Variants in CHD9 observed in about 807,000 individuals in gnomAD.
CHD9 encodes ATP-dependent chromatin remodeler CHD9.
CHD9 carries 77 observed loss-of-function variants against 316.1 expected under a neutral mutation model. The observed-to-expected ratio is 0.24, with a 90% confidence interval of 0.20 to 0.29. The LOEUF (loss-of-function observed/expected upper bound fraction) is 0.29. Among genes scored for constraint, CHD9 ranks in the 10% least tolerant of loss-of-function variants. CHD9 has a pLI of 1.00. For missense variants in CHD9, 2,763 were observed against 3,438.1 expected, an observed-to-expected ratio of 0.80 and a Z score of 4.91; for synonymous variants, 1,129 against 1,158.3, an observed-to-expected ratio of 0.97 and a Z score of 0.51.
chr16:53,131,467 G>T (rs2039303162), intron 1 of CHD9, among the ~76,000 whole-genome samples: 1 of 147,070 alleles, frequency 6.8e-6, no homozygotes, highest in Non-Finnish European at 1.5e-5. Flanking sequence ...CTGCCTGCAC[G>T]TGCGGCCCAG....
At chr16:53,212,860 A>C (rs534116034) in intron 3 of CHD9, among the ~76,000 whole-genome samples, 4 of 152,286 alleles carry the variant, frequency 2.6e-5, no homozygotes, top group African/African-American at 9.6e-5. Context: ...CTTGCCTCAT[A>C]GTGTTATTTT....
At chr16:53,150,348 G>C (rs1163083796) in intron 1 of CHD9, among the ~76,000 whole-genome samples, 1 of 151,828 alleles carries the variant, frequency 6.6e-6, no homozygotes, top group Non-Finnish European at 1.5e-5. Flanking sequence ...TAAATGCCAA[G>C]TTAGTTTCAG....
intron 2 of CHD9, among the ~76,000 whole-genome samples, chr16:53,205,386 A>G (rs1317549485): frequency 6.6e-6 from 1 of 152,220 alleles, no homozygotes; most frequent in African/African-American, 2.4e-5. Flanking sequence ...GTAGAAAGTT[A>G]ATAAAGCAGG....
chr16:53,161,241 C>T (rs1483467118), intron 2 of CHD9, among the ~76,000 whole-genome samples: 1 of 152,100 alleles, frequency 6.6e-6, no homozygotes, highest in Admixed American at 6.6e-5. Flanking sequence ...TGTTGCATAT[C>T]AGTTTTATAT....
chr16:53,161,864 G>T (rs1019344785), intron 2 of CHD9, among the ~76,000 whole-genome samples: 1 of 151,944 alleles, frequency 6.6e-6, no homozygotes, highest in African/African-American at 2.4e-5. Flanking sequence ...CGATCCTCCC[G>T]CCTCAGCTTC....
intron 24 of CHD9, among the ~76,000 whole-genome samples, chr16:53,284,782 C>T (rs538708264): frequency 5.9e-5 from 9 of 151,944 alleles, no homozygotes; most frequent in Admixed American, 2.0e-4. Context: ...TTTTGTTTTT[C>T]GAGACAGGGT....
chr16:53,176,407 T>C (rs1309342419), intron 2 of CHD9, among the ~76,000 whole-genome samples: 1 of 152,262 alleles, frequency 6.6e-6, no homozygotes, highest in East Asian at 1.9e-4. Context: ...ATTTCCCAGC[T>C]CAGCTGATGA....
chr16:53,077,582 C>T (rs2034650965), intron 1 of CHD9, among the ~76,000 whole-genome samples: 1 of 152,104 alleles, frequency 6.6e-6, no homozygotes, highest in Non-Finnish European at 1.5e-5. Context: ...CTGCCTCAGA[C>T]TCCCAAAATG....
chr16:53,146,413 G>GTATATA (rs1361043895), intron 1 of CHD9, among the ~76,000 whole-genome samples: 14 of 24,476 alleles, frequency 5.7e-4, no homozygotes, highest in South Asian at 1.9e-3. Flanking sequence ...TTGTGTGTGT[G>GTATATA]TGTATGTATA....
intron 3 of CHD9, among the ~76,000 whole-genome samples, chr16:53,213,110 CTACTTGT>C (rs756728863): frequency 9.9e-5 from 15 of 152,142 alleles, no homozygotes; most frequent in Non-Finnish European, 1.8e-4. Flanking sequence ...AACACAGTTG[CTACTTGT>C]TAAGGGGAAT....
chr16:53,129,807 T>C (rs2152675647), intron 1 of CHD9, among the ~76,000 whole-genome samples: 2 of 152,338 alleles, frequency 1.3e-5, no homozygotes, highest in South Asian at 4.1e-4. Flanking sequence ...GAAAGCCAGC[T>C]AAGGACCTGA....
chr16:53,136,480 A>G (rs1470044314), intron 1 of CHD9, among the ~76,000 whole-genome samples: 2 of 151,980 alleles, frequency 1.3e-5, no homozygotes, highest in Admixed American at 1.3e-4. Context: ...TGTCTTTGCA[A>G]TGTTTATCTT....
intron 10 of CHD9, 123 bp from the exon 11 acceptor site, chr16:53,235,062 A>G: frequency 1.6e-6 from 1 of 626,528 alleles, no homozygotes; most frequent in Non-Finnish European, 2.5e-6. Context: ...ATGTTAGGTA[A>G]AAGTTAATCA....
intron 1 of CHD9, among the ~76,000 whole-genome samples, chr16:53,098,343 T>C (rs1335707274): frequency 6.6e-6 from 1 of 150,534 alleles, no homozygotes; most frequent in Non-Finnish European, 1.5e-5. Flanking sequence ...GGGCATGGTG[T>C]TGGGCATCTG....
chr16:53,131,560 A>C (rs1437636566), intron 1 of CHD9, among the ~76,000 whole-genome samples: 1 of 151,036 alleles, frequency 6.6e-6, no homozygotes, highest in South Asian at 2.1e-4. Context: ...GGGTCGGGAC[A>C]CGGCAGCCGC....
chr16:53,092,077 G>A (rs747445329), intron 1 of CHD9, among the ~76,000 whole-genome samples: 8 of 152,196 alleles, frequency 5.3e-5, no homozygotes, highest in Non-Finnish European at 8.8e-5. Context: ...AAGGCTTGGA[G>A]GCAGGGAGAT....
rs7197448 is a variant in CHD9, at chr16:53,314,602, T to C, written c.7362+86T>C. The C allele has an allele frequency of 9.6e-4, 1,122 of 1,164,108 alleles. 6 individuals carry two copies. In the African/African-American group the frequency reaches 0.015, roughly 16 times the overall value. The allele number at this position is 1,164,108 out of a possible 1,614,324, so 72.1% of individuals were successfully genotyped here. A position where few individuals can be genotyped will look rare whatever the true frequency, so the allele number is the denominator to read the frequency against. ...ACATATTATTGTTTTGTGAATGTTT[T>C]ATAGACTATTAGTAAGGAAATTAGA... On this transcript the variant is annotated intron_variant, in intron 35 of 38. Coordinates refer to ENST00000447540, the MANE Select transcript of CHD9 (RefSeq NM_001308319.2).
At chr16:53,151,202 TCCCC>T (rs2041079564) in intron 1 of CHD9, among the ~76,000 whole-genome samples, 1 of 80,796 alleles carries the variant, frequency 1.2e-5, no homozygotes, top group African/African-American at 4.8e-5. Flanking sequence ...TTCCCTCCCC[TCCCC>T]TCCCCTCCCC....
chr16:53,107,408 C>T (rs530516257), intron 1 of CHD9, among the ~76,000 whole-genome samples: 32 of 149,952 alleles, frequency 2.1e-4, no homozygotes, highest in Admixed American at 5.3e-4. Context: ...TGCAGTGAGC[C>T]GAGATTGCAC....
Sources: gnomAD v4.1 joint callset for allele counts (sites outside exome capture counted in the v4.1 genomes callset) on GRCh38, gnomAD v4.1.1 for gene constraint, MANE v1.5 for transcripts, NCBI Gene and HGNC (gene_info 2026-07-23, HGNC 2026-07-21) for gene names.